PXYLP1: variants seen among roughly 807,000 people sequenced by gnomAD.
PXYLP1 encodes the protein 2-phosphoxylose phosphatase 1.
In PXYLP1, 17 loss-of-function variants were observed where a neutral mutation model predicts 37.9. The ratio of observed to expected loss-of-function variants is 0.45; its 90% CI spans 0.31 to 0.67. The LOEUF is 0.67. Ranked by LOEUF, PXYLP1 falls within the 30% of genes least tolerant of loss-of-function variation. PXYLP1 has a pLI of 0.07. For synonymous variants in PXYLP1, 221 were observed against 232.2 expected (o/e 0.95, Z 0.44); for missense variants, 511 against 612.0 (o/e 0.84, Z 1.74).
rs78999971 is a variant in PXYLP1, at chr3:141,273,630, T to C, written c.80-4712T>C. On this transcript the variant is annotated intron_variant, in intron 2 of 5. Coordinates refer to ENST00000286353, the MANE Select transcript of PXYLP1 (RefSeq NM_001037172.3). ...TCCCAAGGAGATGCTTTAGAGGTCA[T>C]GTTCTCTGCCATTTCTTTGAAATTG... 5.3e-3 allele frequency: 5,215 copies of C among 985,424 alleles called. 121 individuals carry two copies. In the East Asian group the frequency reaches 0.11, roughly 21 times the overall value. 61.0% of individuals were successfully genotyped at this position (985,424 alleles called of 1,614,324 possible). A position where few individuals can be genotyped will look rare whatever the true frequency, so the allele number is the denominator to read the frequency against.
At chr3:141,248,694 T>TAC (rs201193819) in intron 1 of PXYLP1, among the ~76,000 whole-genome samples, 1,407 of 16,928 alleles carry the variant, frequency 0.083, 330 homozygotes, top group South Asian at 0.21. Context: ...CACACGTATA[T>TAC]ACACACACGT....
intron 1 of PXYLP1, among the ~76,000 whole-genome samples, chr3:141,244,252 GAA>G (rs1940883495): frequency 1.3e-5 from 2 of 152,158 alleles, no homozygotes; most frequent in Non-Finnish European, 2.9e-5. Context: ...AGTGTACAAT[GAA>G]AAGTCTTGCT....
chr3:141,263,463 T>C (rs1429999723), intron 2 of PXYLP1, among the ~76,000 whole-genome samples: 1 of 152,208 alleles, frequency 6.6e-6, no homozygotes, highest in Non-Finnish European at 1.5e-5. Context: ...GCATAGATAT[T>C]TTTGGTTATT....
At chr3:141,280,454 G>T (rs765102508) in intron 4 of PXYLP1, among the ~76,000 whole-genome samples, 9 of 152,212 alleles carry the variant, frequency 5.9e-5, no homozygotes, top group Non-Finnish European at 1.2e-4. Context: ...AGTTGGCCTG[G>T]CTGCCTCTGC....
At position 141,267,821 on chromosome 3, in the gene PXYLP1, A is replaced by G. The variant is rs183454091; in HGVS notation, c.79+7567A>G. ...TCTTTCAGGGTGGAGCTAGATAATGACCTCCCTCCCTCCCTCTCTGTCTCC... is the reference window on the plus strand; with the variant it reads ...TCTTTCAGGGTGGAGCTAGATAATGGCCTCCCTCCCTCCCTCTCTGTCTCC... On this transcript the variant is annotated intron_variant, in intron 2 of 5. Coordinates refer to ENST00000286353, the MANE Select transcript of PXYLP1 (RefSeq NM_001037172.3). Among the ~76,000 whole-genome samples, 444 of 147,418 alleles carry G rather than the reference A, an allele frequency of 3.0e-3. 4 individuals are homozygous for G. The highest frequency in any genetic ancestry group is 0.011 in the African/African-American group (426 of 39,524).
intron 1 of PXYLP1, among the ~76,000 whole-genome samples, chr3:141,240,642 A>G (rs1030950650): frequency 2.6e-4 from 39 of 152,278 alleles, no homozygotes; most frequent in African/African-American, 9.4e-4. Flanking sequence ...AGTCTCTGCT[A>G]CACTGTCTGC....
In PXYLP1 at chr3:141,294,195, A is replaced by G. The variant is rs1559900905; in HGVS notation, c.*990A>G. Reference sequence around the variant, plus strand: ...GTTTAGGAAAATATTTTCTAAGACCAGTTTTAGATGACTCTTATTCCTGTA... The same window carrying G: ...GTTTAGGAAAATATTTTCTAAGACCGGTTTTAGATGACTCTTATTCCTGTA... On this transcript the variant is annotated 3_prime_UTR_variant, in exon 6 of 6. Transcript: ENST00000286353. 6.6e-6 allele frequency: 1 copy of G among 152,244 alleles called. No homozygotes were observed. The highest frequency in any genetic ancestry group is 1.5e-5 in the Non-Finnish European group (1 of 68,042). 9.4% of individuals were successfully genotyped at this position (152,244 alleles called of 1,614,324 possible).
Position 141,292,827 on chromosome 3 carries a change from A to G in PXYLP1, c.1065A>G (p.Gln355=), listed in dbSNP as rs541033754. 4 of 1,613,962 alleles carry G rather than the reference A, an allele frequency of 2.5e-6. No homozygotes were observed. The highest frequency in any genetic ancestry group is 1.1e-5 in the South Asian group (1 of 91,050). The change falls in exon 6 of 6, where the codon CAA becomes CAG. Residue 355 remains glutamine, a synonymous_variant. Coordinates refer to ENST00000286353, the MANE Select transcript of PXYLP1 (RefSeq NM_001037172.3). The surrounding 1 kb of genome is among the most constrained non-coding windows in gnomAD (Gnocchi z 4.3). The stretch of plus-strand genomic sequence containing the variant: ...TGGGTGCCCACCCCATCCTGAACCA[A>G]ACCATCGGCCGGATGCAGCGTGCCA... The part of the protein sequence containing the change: ...SLLGAHPILN[Q]TIGRMQRATE...
At chr3:141,247,837 G>A (rs1014163843) in intron 1 of PXYLP1, among the ~76,000 whole-genome samples, 10 of 152,232 alleles carry the variant, frequency 6.6e-5, no homozygotes, top group African/African-American at 2.4e-4. Flanking sequence ...GCTGCAGTTT[G>A]TGGAAACTGG....
At chr3:141,268,212 T>A (rs201570082) in intron 2 of PXYLP1, among the ~76,000 whole-genome samples, 2,487 of 109,490 alleles carry the variant, frequency 0.023, 16 homozygotes, top group Non-Finnish European at 0.034. Flanking sequence ...AGAGAGTGTG[T>A]GTGTGTGTGT....
chr3:141,278,516 C>T lies in PXYLP1; in HGVS notation c.238+16C>T. 1 of 1,613,542 alleles carries T rather than the reference C, an allele frequency of 6.2e-7. No individual in the cohort carries two copies. The highest frequency in any genetic ancestry group is 1.3e-5 in the African/African-American group (1 of 75,034). ...AGCATGGAAGGTAGGCCTGACTGTG[C>T]CACCAGGACAGATACCCCTTTGGGG... On this transcript the variant is annotated intron_variant, in intron 3 of 5. Coordinates refer to ENST00000286353, the MANE Select transcript of PXYLP1 (RefSeq NM_001037172.3).
chr3:141,270,210 A>G (rs1302645239), intron 2 of PXYLP1, among the ~76,000 whole-genome samples: 1 of 152,230 alleles, frequency 6.6e-6, no homozygotes, highest in East Asian at 1.9e-4. Context: ...AAAACAAGAA[A>G]GGTTGGTGTA....
At chr3:141,288,663 G>T (rs1942130943) in intron 5 of PXYLP1, among the ~76,000 whole-genome samples, 1 of 152,204 alleles carries the variant, frequency 6.6e-6, no homozygotes, top group African/African-American at 2.4e-5. Context: ...GGAGGCTGAG[G>T]CAGGATAATC....
chr3:141,261,470 G>C (rs1420127581), intron 2 of PXYLP1, among the ~76,000 whole-genome samples: 1 of 152,106 alleles, frequency 6.6e-6, no homozygotes, highest in Non-Finnish European at 1.5e-5. Flanking sequence ...ACAATAATAA[G>C]CAACCAATAA....
intron 1 of PXYLP1, chr3:141,235,168 G>C (rs910565025): frequency 2.6e-5 from 4 of 152,232 alleles, no homozygotes; most frequent in African/African-American, 4.8e-5. Flanking sequence ...CAAAGTCACT[G>C]AGATAGGAAA....
chr3:141,286,522 C>T (rs1172135507), intron 4 of PXYLP1, among the ~76,000 whole-genome samples: 3 of 152,064 alleles, frequency 2.0e-5, no homozygotes, highest in Non-Finnish European at 1.5e-5. Context: ...GAAGGGATAG[C>T]TCGTGGGAAG....
intron 5 of PXYLP1, among the ~76,000 whole-genome samples, chr3:141,288,194 G>A (rs1309056570): frequency 6.6e-6 from 1 of 152,184 alleles, no homozygotes; most frequent in Non-Finnish European, 1.5e-5. Flanking sequence ...TCCTTCAAGA[G>A]GTTTCAGTTT....
intron 2 of PXYLP1, chr3:141,274,341 C>G (rs1470250165): frequency 1.4e-6 from 2 of 1,406,132 alleles, no homozygotes; most frequent in Non-Finnish European, 1.8e-6. Context: ...TGAGGCCAAC[C>G]TGACCAGGCC....
rs763150510 is a variant in PXYLP1 at position 141,274,537 on chromosome 3, G to C, written c.80-3805G>C. 10 of 1,389,214 alleles carry C rather than the reference G, an allele frequency of 7.2e-6. No homozygotes were observed. The Admixed American group carries it at 2.0e-4, about 27-fold the overall frequency. The allele number at this position is 1,389,214 out of a possible 1,614,324, so 86.1% of individuals were successfully genotyped here. The stretch of plus-strand genomic sequence containing the variant: ...TTTGGATGCCCCTCACCCCAGACTG[G>C]TTCGGCAACCCTCAGTGCTCCACAT... On this transcript the variant is annotated intron_variant, in intron 2 of 5. Coordinates refer to ENST00000286353, the MANE Select transcript of PXYLP1 (RefSeq NM_001037172.3).
Sources: gnomAD v4.1 joint callset for allele counts (sites outside exome capture counted in the v4.1 genomes callset) on GRCh38, gnomAD v4.1.1 for gene constraint, Gnocchi (gnomAD v3.1) non-coding constraint, MANE v1.5 for transcripts, NCBI Gene and HGNC (gene_info 2026-07-23, HGNC 2026-07-21) for gene names.